Variants in FDCSP observed in about 807,000 individuals in gnomAD.
FDCSP encodes follicular dendritic cell secreted protein.
A neutral mutation model predicts 8.9 loss-of-function variants in FDCSP; 8 were observed. The ratio of observed to expected loss-of-function variants is 0.90; its 90% CI spans 0.53 to 1.63. The LOEUF is 1.63. FDCSP is among the 40% of genes most tolerant of loss of function. The probability of loss-of-function intolerance (pLI) is 0.00; values close to 1 mark genes in which losing one functional copy is unlikely to be tolerated. For missense variants in FDCSP, 101 were observed against 103.6 expected, an observed-to-expected ratio of 0.98 and a Z score of 0.11; for synonymous variants, 34 against 34.5, an observed-to-expected ratio of 0.98 and a Z score of 0.06.
intron 1 of FDCSP, among the ~76,000 whole-genome samples, chr4:70,228,481 G>C (rs765194029): frequency 3.3e-5 from 5 of 151,826 alleles, no homozygotes; most frequent in Non-Finnish European, 5.9e-5. Flanking sequence ...CTCCTGTAAT[G>C]TTGATATTTT....
At chr4:70,233,132 T>C in intron 3 of FDCSP, 106 bp downstream of exon 3, 1 of 980,444 alleles carries the variant, frequency 1.0e-6, no homozygotes, top group Non-Finnish European at 1.5e-6. Flanking sequence ...GTGGAGAGAT[T>C]CATAAAGAGC....
intron 1 of FDCSP, among the ~76,000 whole-genome samples, chr4:70,227,928 T>C (rs1730016100): frequency 6.6e-6 from 1 of 151,820 alleles, no homozygotes; most frequent in Non-Finnish European, 1.5e-5. Context: ...TTTGCTGGTG[T>C]AGGGTCTTGC....
At chr4:70,231,366 C>A in intron 2 of FDCSP, 115 bp downstream of exon 2, 2 of 795,492 alleles carry the variant, frequency 2.5e-6, no homozygotes, top group Non-Finnish European at 3.9e-6. Flanking sequence ...ACAGAGCTAC[C>A]AAGTGCAGTG....
intron 2 of FDCSP, 43 bp downstream of exon 2, chr4:70,231,294 A>C: frequency 6.9e-7 from 1 of 1,440,246 alleles, no homozygotes; most frequent in Non-Finnish European, 9.6e-7. Flanking sequence ...ATGTATGGCC[A>C]TGTATGGCAT....
At chr4:70,228,348 T>C (rs1353452933) in intron 1 of FDCSP, among the ~76,000 whole-genome samples, 1 of 151,824 alleles carries the variant, frequency 6.6e-6, no homozygotes, top group South Asian at 2.1e-4. Flanking sequence ...AAGTCACATG[T>C]TCAAGCTTCA....
intron 3 of FDCSP, 129 bp downstream of exon 3, chr4:70,233,155 C>T (rs985054889): frequency 1.4e-6 from 1 of 721,092 alleles, no homozygotes; most frequent in Admixed American, 3.4e-5. Context: ...TTGGTATTAG[C>T]ACTCAACAGA....
At chr4:70,231,012 C>A (rs753268055) in intron 1 of FDCSP, among the ~76,000 whole-genome samples, 183 bp from the exon 2 acceptor site, 1 of 151,630 alleles carries the variant, frequency 6.6e-6, no homozygotes, top group Non-Finnish European at 1.5e-5. Context: ...TTAAAAAGTT[C>A]TTTATTAACA....
rs373845107 is a variant in FDCSP, at chr4:70,226,622, A to C, written c.-1+440A>C. The stretch of plus-strand genomic sequence containing the variant: ...CCTCTTTTATCTTTAAAATATATAC[A>C]GTACTTACATTCCATTCCATAACAT... On this transcript the variant is annotated intron_variant, in intron 1 of 4. Coordinates refer to ENST00000317987, the MANE Select transcript of FDCSP (RefSeq NM_152997.4). Among the ~76,000 whole-genome samples the C allele has an allele frequency of 3.3e-5, 5 of 152,044 alleles. No individual in the cohort carries two copies. In the East Asian group the frequency reaches 7.8e-4, roughly 24 times the overall value.
At chr4:70,229,988 G>A (rs772411904) in intron 1 of FDCSP, among the ~76,000 whole-genome samples, 7 of 151,508 alleles carry the variant, frequency 4.6e-5, no homozygotes, top group African/African-American at 7.3e-5. Context: ...GCTCGATGCC[G>A]GATTGCCACA....
At chr4:70,230,182 T>C (rs1477493678) in intron 1 of FDCSP, among the ~76,000 whole-genome samples, 1 of 151,624 alleles carries the variant, frequency 6.6e-6, no homozygotes, top group African/African-American at 2.4e-5. Flanking sequence ...CCAATCTCCA[T>C]TTTCAACTTG....
chr4:70,231,997 A>T (rs1730092337), intron 2 of FDCSP, among the ~76,000 whole-genome samples: 1 of 151,840 alleles, frequency 6.6e-6, no homozygotes. Flanking sequence ...GGATACAAAG[A>T]GTGAAAGTAT....
intron 1 of FDCSP, among the ~76,000 whole-genome samples, chr4:70,228,762 T>C (rs1053792936): frequency 3.9e-5 from 6 of 151,964 alleles, no homozygotes; most frequent in African/African-American, 1.4e-4. Context: ...GGGGCTCAGG[T>C]ACATTTTCAA....
chr4:70,233,023 A>T lies in FDCSP; in HGVS notation c.87A>T (p.Arg29Ser). ...PVSQDQEREKRSISDSDELAS... is the reference protein window; with the variant it reads ...PVSQDQEREKSSISDSDELAS... ...CTCAAGACCAGGAACGAGAAAAAAGAAGTGTAAGTTACCTTTTCTCTTTTT... is the reference window on the plus strand; with the variant it reads ...CTCAAGACCAGGAACGAGAAAAAAGTAGTGTAAGTTACCTTTTCTCTTTTT... Residue 29 changes from arginine (R) to serine (S), a missense_variant, in exon 3 of 5, where the codon AGA becomes AGT. By Grantham distance (110) the Arg-to-Ser change is moderately radical. Transcript: ENST00000317987. 1 of 1,595,608 alleles carries T rather than the reference A, an allele frequency of 6.3e-7. No homozygotes were observed. The highest frequency in any genetic ancestry group is 8.5e-7 in the Non-Finnish European group (1 of 1,172,754).
chr4:70,226,468 T>G (rs1473422028), intron 1 of FDCSP, among the ~76,000 whole-genome samples: 1 of 151,170 alleles, frequency 6.6e-6, no homozygotes, highest in African/African-American at 2.4e-5. Context: ...TGGGGGAGAG[T>G]GTGGACAGAG....
chr4:70,231,163 T>C (rs1730076468), intron 1 of FDCSP, 32 bp from the exon 2 acceptor site: 3 of 1,554,452 alleles, frequency 1.9e-6, no homozygotes, highest in African/African-American at 1.4e-5. Context: ...AAATGAAAGT[T>C]CTTCTTATTT....
intron 1 of FDCSP, 115 bp from the exon 2 acceptor site, chr4:70,231,080 C>G (rs1445699064): frequency 5.3e-6 from 4 of 750,518 alleles, no homozygotes; most frequent in African/African-American, 3.6e-5. Flanking sequence ...AGCTATTTGT[C>G]AAATAATTCG....
chr4:70,229,981 C>T (rs1029766464), intron 1 of FDCSP, among the ~76,000 whole-genome samples: 2 of 151,488 alleles, frequency 1.3e-5, no homozygotes, highest in Non-Finnish European at 3.0e-5. Context: ...TAGACTTGCT[C>T]GATGCCGGAT....
chr4:70,227,855 A>T (rs1730013978), intron 1 of FDCSP, among the ~76,000 whole-genome samples: 1 of 151,824 alleles, frequency 6.6e-6, no homozygotes, highest in Non-Finnish European at 1.5e-5. Context: ...TATCTTAATT[A>T]AAACATACTT....
intron 2 of FDCSP, among the ~76,000 whole-genome samples, chr4:70,231,843 T>A (rs1462696631): frequency 6.6e-6 from 1 of 151,684 alleles, no homozygotes; most frequent in Non-Finnish European, 1.5e-5. Flanking sequence ...CCCCTGAAGA[T>A]CTTCCAGTAG....
Sources: gnomAD v4.1 joint callset for allele counts (sites outside exome capture counted in the v4.1 genomes callset) on GRCh38, gnomAD v4.1.1 for gene constraint, MANE v1.5 for transcripts, NCBI Gene and HGNC (gene_info 2026-07-23, HGNC 2026-07-21) for gene names.